The following RIMS2 variants were observed in gnomAD, a reference collection of about 807,000 sequenced individuals.
RIMS2 encodes the protein regulating synaptic membrane exocytosis protein 2.
RIMS2 carries 59 observed loss-of-function variants against 174.4 expected under a neutral mutation model. The observed-to-expected ratio is 0.34, with a 90% CI of 0.27 to 0.42. RIMS2 has a LOEUF of 0.42. Among genes scored for constraint, RIMS2 ranks in the 10% least tolerant of loss-of-function variants. The pLI is 1.00. For missense variants in RIMS2, 1,620 were observed against 1,666.3 expected (o/e 0.97, Z 0.48); for synonymous variants, 606 against 572.5 (o/e 1.06, Z -0.84).
chr8:103,711,758 G>A (rs917863876), intron 2 of RIMS2, among the ~76,000 whole-genome samples: 7 of 151,970 alleles, frequency 4.6e-5, no homozygotes, highest in Admixed American at 2.6e-4. Flanking sequence ...TTAGCTAGGC[G>A]TGGTGGTGAG....
chr8:103,512,702 T>G (rs1230789283), intron 1 of RIMS2, among the ~76,000 whole-genome samples: 3 of 152,288 alleles, frequency 2.0e-5, no homozygotes. Flanking sequence ...TTGAAAAATA[T>G]AACTATCACA....
chr8:103,602,301 G>T (rs1411959965), intron 1 of RIMS2, among the ~76,000 whole-genome samples: 7 of 152,110 alleles, frequency 4.6e-5, no homozygotes, highest in Admixed American at 2.0e-4. Context: ...CTTTTTTAAA[G>T]TTATGACTTT....
intron 3 of RIMS2, among the ~76,000 whole-genome samples, chr8:103,809,642 C>A (rs891785746): frequency 5.3e-5 from 8 of 152,092 alleles, no homozygotes; most frequent in African/African-American, 1.9e-4. Context: ...AAGCACAGTA[C>A]CTTGAATTGC....
intron 1 of RIMS2, among the ~76,000 whole-genome samples, chr8:103,533,535 G>T (rs796101842): frequency 1.5e-4 from 23 of 151,816 alleles, no homozygotes; most frequent in African/African-American, 5.1e-4. Context: ...GCTAAGATGT[G>T]TTAAAAACTG....
intron 19 of RIMS2, among the ~76,000 whole-genome samples, chr8:104,051,047 G>A (rs1256443518): frequency 6.6e-6 from 1 of 152,002 alleles, no homozygotes; most frequent in Non-Finnish European, 1.5e-5. Context: ...GACCAGACTG[G>A]ACAACACAGC....
chr8:103,739,786 A>T (rs2097737305), intron 2 of RIMS2, among the ~76,000 whole-genome samples: 1 of 152,082 alleles, frequency 6.6e-6, no homozygotes, highest in South Asian at 2.1e-4. Flanking sequence ...ATTCCAAGGG[A>T]TTCCTTTTTC....
chr8:103,995,350 G>T (rs759248479), intron 17 of RIMS2, among the ~76,000 whole-genome samples: 1 of 152,084 alleles, frequency 6.6e-6, no homozygotes, highest in Non-Finnish European at 1.5e-5. Context: ...GTGGCAGAAG[G>T]ATAACAATAC....
At chr8:103,595,163 T>C (rs2094436731) in intron 1 of RIMS2, among the ~76,000 whole-genome samples, 1 of 151,870 alleles carries the variant, frequency 6.6e-6, no homozygotes, top group Non-Finnish European at 1.5e-5. Context: ...ATTTTTATTC[T>C]TTATAGACTG....
intron 19 of RIMS2, among the ~76,000 whole-genome samples, chr8:104,171,669 A>G (rs1375520557): frequency 1.3e-5 from 2 of 152,070 alleles, no homozygotes; most frequent in African/African-American, 2.4e-5. Flanking sequence ...GTTTGGATCC[A>G]TTACAGGGGA....
At chr8:104,241,434 C>T (rs2511584) in intron 19 of RIMS2, among the ~76,000 whole-genome samples, 52,427 of 152,012 alleles carry the variant, frequency 0.34, 9,501 homozygotes, top group African/African-American at 0.47. Context: ...CTTTGACAAA[C>T]GGTGCTGGTT....
intron 1 of RIMS2, among the ~76,000 whole-genome samples, chr8:103,630,451 A>G: frequency 6.6e-6 from 1 of 152,044 alleles, no homozygotes; most frequent in East Asian, 1.9e-4. Flanking sequence ...AGAATGAATA[A>G]AGGCAGTTTT....
At chr8:104,062,041 A>G (rs1294289733) in intron 19 of RIMS2, among the ~76,000 whole-genome samples, 2 of 152,328 alleles carry the variant, frequency 1.3e-5, no homozygotes, top group South Asian at 2.1e-4. Context: ...TTTTTCATAT[A>G]CAATGCCAAT....
chr8:103,612,587 T>C (rs1421407647), intron 1 of RIMS2, among the ~76,000 whole-genome samples: 1 of 152,172 alleles, frequency 6.6e-6, no homozygotes, highest in Non-Finnish European at 1.5e-5. Context: ...TTTTCTTTTT[T>C]TCCCCCCTCT....
At chr8:103,689,039 G>A (rs2096978503) in intron 1 of RIMS2, among the ~76,000 whole-genome samples, 2 of 151,632 alleles carry the variant, frequency 1.3e-5, no homozygotes, top group African/African-American at 4.8e-5. Context: ...ATATATTTTG[G>A]TGTGTGTTGT....
chr8:103,808,711 C>T (rs1271002080), intron 3 of RIMS2, among the ~76,000 whole-genome samples: 1 of 152,154 alleles, frequency 6.6e-6, no homozygotes. Flanking sequence ...CCTATCTTGA[C>T]TGTGACCAAT....
chr8:103,608,952 C>T (rs1348623908), intron 1 of RIMS2, among the ~76,000 whole-genome samples: 2 of 152,240 alleles, frequency 1.3e-5, no homozygotes, highest in African/African-American at 2.4e-5. Flanking sequence ...CACCCTTCTT[C>T]TGCGTTGCTC....
chr8:103,779,402 C>T (rs139116391), intron 3 of RIMS2, among the ~76,000 whole-genome samples: 129 of 152,002 alleles, frequency 8.5e-4, no homozygotes, highest in African/African-American at 2.9e-3. Flanking sequence ...GTTTTTAATC[C>T]ATCTTGATTT....
chr8:104,031,688 T>C (rs1430673412), intron 19 of RIMS2, among the ~76,000 whole-genome samples: 1 of 152,102 alleles, frequency 6.6e-6, no homozygotes, highest in Non-Finnish European at 1.5e-5. Flanking sequence ...AGAAGTTACA[T>C]GGGAAGACCA....
chr8:103,806,334 A>G (rs951725357), intron 3 of RIMS2, among the ~76,000 whole-genome samples: 2 of 152,166 alleles, frequency 1.3e-5, no homozygotes, highest in Admixed American at 6.6e-5. Flanking sequence ...TTTAAATTCC[A>G]AGGACCCTTA....
Sources: allele counts gnomAD v4.1 joint callset (sites outside exome capture counted in the v4.1 genomes callset), GRCh38; gene constraint gnomAD v4.1.1; transcripts MANE v1.5; gene names NCBI Gene and HGNC (gene_info 2026-07-23, HGNC 2026-07-21).